ATF6B: variants seen among roughly 807,000 people sequenced by gnomAD.
The protein encoded by ATF6B is cyclic AMP-dependent transcription factor ATF-6 beta.
A neutral mutation model predicts 83.5 loss-of-function variants in ATF6B; 50 were observed. The observed-to-expected ratio is 0.60, with a 90% CI of 0.48 to 0.76. The LOEUF (loss-of-function observed/expected upper bound fraction) is 0.76. Ranked by LOEUF, ATF6B falls within the 30% of genes least tolerant of loss-of-function variation. The pLI is 0.00. For missense variants in ATF6B, 790 were observed against 893.8 expected (o/e 0.88, Z 1.48); for synonymous variants, 344 against 362.8 (o/e 0.95, Z 0.59).
rs748639718 is a variant in ATF6B at position 32,127,118 on chromosome 6, T to C, written c.327A>G (p.Thr109=). 11 of 1,606,580 alleles carry C rather than the reference T, an allele frequency of 6.8e-6. No individual in the cohort carries two copies. Among genetic ancestry groups the C allele is most frequent in the Non-Finnish European group, 9.3e-6 (11 of 1,176,986 alleles). The part of the protein sequence containing the change: ...SLSSESSRLS[T]EPSSEALGVG... ...GCTCTCTCACCTCGCTGGATGGCTC[T>C]GTGGAGAGACGCGATGACTCGGAGC... The change falls in exon 4 of 18, where the codon ACA becomes ACG. Residue 109 remains threonine (T), a synonymous_variant. Coordinates refer to ENST00000375203, the MANE Select transcript of ATF6B (RefSeq NM_004381.5).
chr6:32,120,265 T>C (rs1351641093), intron 8 of ATF6B: 2 of 201,538 alleles, frequency 9.9e-6, no homozygotes, highest in African/African-American at 2.4e-5. Context: ...GCCTGGCTAA[T>C]TTTTTTGTAT....
At position 32,118,825 on chromosome 6, in the gene ATF6B, G is replaced by C. The variant is rs773694940; in HGVS notation, c.1194C>G (p.Val398=). The change falls in exon 11 of 18, where the codon GTC becomes GTG. Residue 398 remains valine, a synonymous_variant. Transcript: ENST00000375203. The surrounding 1 kb of genome is among the most constrained non-coding windows in gnomAD (Gnocchi z 5.2). ...TGAAGAGAAGGAAGACCATGATGCA[G>C]ACCACCTTCCTGTTTCCAGACCCTA... The part of the protein sequence containing the change: ...LKLGSGNRKV[V]CIMVFLLFIA... 6.2e-7 allele frequency: 1 copy of C among 1,614,262 alleles called. No individual in the cohort carries two copies. Among genetic ancestry groups the C allele is most frequent in the South Asian group, 1.1e-5 (1 of 91,084 alleles).
At position 32,118,043 on chromosome 6, in the gene ATF6B, G is replaced by A. The variant is rs1208346294; in HGVS notation, c.1245-5C>T. The A allele has an allele frequency of 6.2e-7, 1 of 1,614,126 alleles. No individual in the cohort carries two copies. The highest frequency in any genetic ancestry group is 8.5e-7 in the Non-Finnish European group (1 of 1,180,032). On this transcript the variant is annotated splice_region_variant and splice_polypyrimidine_tract_variant and intron_variant, in intron 11 of 17. Transcript: ENST00000375203. The surrounding 1 kb of genome is among the most constrained non-coding windows in gnomAD (Gnocchi z 5.2). The stretch of plus-strand genomic sequence containing the variant: ...GCTGAAGGAGGCTCACTGATGCTGT[G>A]GATAAAGAAGGACTGAGCACAATGA...
chr6:32,121,430 T>C, intron 5 of ATF6B, 82 bp from the exon 6 acceptor site: 2 of 1,382,920 alleles, frequency 1.4e-6, no homozygotes, highest in Non-Finnish European at 2.0e-6. Flanking sequence ...AGGCTGGGCA[T>C]GGTGGCTCAC....
chr6:32,119,392 G>C lies in ATF6B; in HGVS notation c.967-251C>G, dbSNP rs1781663024. On this transcript the variant is annotated intron_variant, in intron 9 of 17. Coordinates refer to ENST00000375203, the MANE Select transcript of ATF6B (RefSeq NM_004381.5). The surrounding 1 kb of genome is among the most constrained non-coding windows in gnomAD (Gnocchi z 4.9). ...AGAGTGTGGGAAGAACTTTCTCCAT[G>C]CTGGTGGAAACTCTTTCCTTCGTAA... Among the ~76,000 whole-genome samples the C allele has an allele frequency of 6.6e-6, 1 of 152,176 alleles. No individual in the cohort carries two copies.
Position 32,126,131 on chromosome 6 carries a change from G to T in ATF6B, c.464C>A (p.Ser155Tyr). The change falls in exon 5 of 18, where the codon TCT becomes TAT. Residue 155 changes from serine (S) to tyrosine (Y), a missense_variant. Ser to Tyr is a moderately radical substitution (Grantham distance 144). Around this residue, in one of 3 missense-constraint regions of ATF6B, gnomAD observed 253 missense variants for 243.1 expected, o/e 1.04. Coordinates refer to ENST00000375203, the MANE Select transcript of ATF6B (RefSeq NM_004381.5). ...ETVQINVIPTSDDSSDVQTKI... is the reference protein window; with the variant it reads ...ETVQINVIPTYDDSSDVQTKI... ...TGTTTTATTACCTGAGGAATCATCAGAGGTGGGGATAACGTTGATCTGGAC... is the reference window on the plus strand; with the variant it reads ...TGTTTTATTACCTGAGGAATCATCATAGGTGGGGATAACGTTGATCTGGAC... 6.2e-7 allele frequency: 1 copy of T among 1,614,202 alleles called. No homozygotes were observed. The highest frequency in any genetic ancestry group is 8.5e-7 in the Non-Finnish European group (1 of 1,180,050).
chr6:32,128,223 C>G lies in ATF6B; in HGVS notation c.-16G>C. ...GCTCCGCCATCTTTCCCCCCCACCCCCCAACCAGGAGACGGTTCCCAAGGC... is the reference window on the plus strand; with the variant it reads ...GCTCCGCCATCTTTCCCCCCCACCCGCCAACCAGGAGACGGTTCCCAAGGC... On this transcript the variant is annotated 5_prime_UTR_variant, in exon 1 of 18. Coordinates refer to ENST00000375203, the MANE Select transcript of ATF6B (RefSeq NM_004381.5). 1.2e-6 allele frequency: 2 copies of G among 1,605,566 alleles called. No homozygotes were observed. Among genetic ancestry groups the G allele is most frequent in the Non-Finnish European group, 1.7e-6 (2 of 1,178,716 alleles).
At chr6:32,121,484 C>T (rs939227955) in intron 5 of ATF6B, 136 bp from the exon 6 acceptor site, 2 of 779,382 alleles carry the variant, frequency 2.6e-6, no homozygotes, top group African/African-American at 1.7e-5. Flanking sequence ...GGGCAGATCA[C>T]CTGAGGTCAG....
In ATF6B at chr6:32,116,768, T is replaced by C; in HGVS notation, c.1733A>G (p.Gln578Arg). The change falls in exon 16 of 18, where the codon CAG (glutamine) becomes CGG (arginine). Residue 578 changes from glutamine to arginine, a missense_variant. Gln to Arg is a conservative substitution (Grantham distance 43). Around this residue, in one of 3 missense-constraint regions of ATF6B, gnomAD observed 530 missense variants for 632.6 expected, o/e 0.84. Coordinates refer to ENST00000375203, the MANE Select transcript of ATF6B (RefSeq NM_004381.5). The surrounding 1 kb of genome is among the most constrained non-coding windows in gnomAD (Gnocchi z 5.1). ...LQLYRHPDRS[Q>R]PAFLDAIDRR... ...GTCAATTGCATCCAAGAATGCTGGC[T>C]GCGAACGGTCTGGGTGGCGATATAG... 1 of 1,614,110 alleles carries C rather than the reference T, an allele frequency of 6.2e-7. No homozygotes were observed. The highest frequency in any genetic ancestry group is 1.3e-5 in the African/African-American group (1 of 75,014).
In ATF6B at chr6:32,128,210, T is replaced by TTCCCCCCC; in HGVS notation, c.-11_-4dup. The TTCCCCCCC allele has an allele frequency of 6.2e-7, 1 of 1,609,120 alleles. No homozygotes were observed. ...CTGAGCAGCATCAGCTCCGCCATCT[T>TTCCCCCCC]TCCCCCCCACCCCCCAACCAGGAGA... On this transcript the variant is annotated 5_prime_UTR_variant, in exon 1 of 18. Transcript: ENST00000375203.
At position 32,116,032 on chromosome 6, in the gene ATF6B, GGGA is replaced by G; in HGVS notation, c.1883-67_1883-65del. 2.3e-6 allele frequency: 3 copies of G among 1,326,128 alleles called. No individual in the cohort carries two copies. Among genetic ancestry groups the G allele is most frequent in the Non-Finnish European group, 3.2e-6 (3 of 943,324 alleles). The allele number at this position is 1,326,128 out of a possible 1,614,324, so 82.1% of individuals were successfully genotyped here. A position where few individuals can be genotyped will look rare whatever the true frequency, so the allele number is the denominator to read the frequency against. ...GGCAAACAGGGATTGCAGGGAGGAG[GGGA>G]GGAGGTCAGAAAAGTAGAGGTGAGC... On this transcript the variant is annotated intron_variant, in intron 17 of 17. Transcript: ENST00000375203. This position sits in a 1 kb window ranked among gnomAD's most constrained non-coding sequence, Gnocchi z 5.1.
intron 5 of ATF6B, among the ~76,000 whole-genome samples, chr6:32,122,439 C>T (rs1237555730): frequency 6.6e-6 from 1 of 152,186 alleles, no homozygotes; most frequent in African/African-American, 2.4e-5. Flanking sequence ...ATACCGTTCA[C>T]TTTGGTACTT....
chr6:32,120,805 T>C lies in ATF6B; in HGVS notation c.798A>G (p.Thr266=), dbSNP rs770926614. 2 of 1,610,658 alleles carry C rather than the reference T, an allele frequency of 1.2e-6. No homozygotes were observed. The highest frequency in any genetic ancestry group is 1.7e-6 in the Non-Finnish European group (2 of 1,178,208). Residue 266 remains threonine, a synonymous_variant, in exon 8 of 18, where the codon ACA becomes ACG. Coordinates refer to ENST00000375203, the MANE Select transcript of ATF6B (RefSeq NM_004381.5). The part of the protein sequence containing the change: ...MPSRAVPPST[T]VLLQSLVQPP... ...GCTGGACGAGGGACTGCAGAAGGAC[T>C]GTGGTGCTGGGAGGCACAGCTCTGG...
At chr6:32,121,577 C>A (rs1161219433) in intron 5 of ATF6B, among the ~76,000 whole-genome samples, 1 of 152,134 alleles carries the variant, frequency 6.6e-6, no homozygotes, top group African/African-American at 2.4e-5. Context: ...TGGCGCATCC[C>A]TGTGTCCCAG....
In ATF6B at chr6:32,118,677, T is replaced by A. The variant is rs1469507507; in HGVS notation, c.1244+98A>T. On this transcript the variant is annotated intron_variant, in intron 11 of 17. Transcript: ENST00000375203. This position sits in a 1 kb window ranked among gnomAD's most constrained non-coding sequence, Gnocchi z 5.2. Reference sequence around the variant, plus strand: ...GCCAAGGACACCAGAACCATTTGTATATAAGCAGAAGGAAATGGCCTGGGC... The same window carrying A: ...GCCAAGGACACCAGAACCATTTGTAAATAAGCAGAAGGAAATGGCCTGGGC... 8.2e-7 allele frequency: 1 copy of A among 1,216,176 alleles called. No homozygotes were observed. The highest frequency in any genetic ancestry group is 1.2e-6 in the Non-Finnish European group (1 of 834,754). 75.3% of individuals were successfully genotyped at this position (1,216,176 alleles called of 1,614,324 possible).
chr6:32,119,889 G>GT lies in ATF6B; in HGVS notation c.900dup (p.Arg301ThrfsTer3). The GT allele has an allele frequency of 6.2e-7, 1 of 1,614,112 alleles. No homozygotes were observed. ...GGAACGATGCTCTTCCTCTCAGGCC[G>GT]TGGTAGAGAGGGAGCCGGCCCTTCA... On this transcript the variant is annotated frameshift_variant, in exon 9 of 18. Coordinates refer to ENST00000375203, the MANE Select transcript of ATF6B (RefSeq NM_004381.5). LOFTEE classifies it high-confidence loss of function. The surrounding 1 kb of genome is among the most constrained non-coding windows in gnomAD (Gnocchi z 4.9).
At chr6:32,120,677 C>T in intron 8 of ATF6B, 94 bp downstream of exon 8, 1 of 1,454,842 alleles carries the variant, frequency 6.9e-7, no homozygotes, top group Non-Finnish European at 9.3e-7. Context: ...TCTTAAACTT[C>T]TGACCTCAGG....
At chr6:32,122,230 G>C (rs1479632793) in intron 5 of ATF6B, among the ~76,000 whole-genome samples, 1 of 152,038 alleles carries the variant, frequency 6.6e-6, no homozygotes, top group Non-Finnish European at 1.5e-5. Flanking sequence ...TGATTGCCCC[G>C]TCACACAAGT....
rs204889 is a variant in ATF6B at position 32,118,315 on chromosome 6, G to A, written c.1245-277C>T. Among the ~76,000 whole-genome samples, 4,591 of 152,262 alleles carry A rather than the reference G, an allele frequency of 0.03. 83 individuals are homozygous for A. Among genetic ancestry groups the A allele is most frequent in the Admixed American group, 0.041 (630 of 15,294 alleles). On this transcript the variant is annotated intron_variant, in intron 11 of 17. Transcript: ENST00000375203. This position sits in a 1 kb window ranked among gnomAD's most constrained non-coding sequence, Gnocchi z 5.2. ...TGGAAAAATAATGGAGCAGGAGGCC[G>A]GGCGAGGTGGCTCAAGCCTGTAATC... is the stretch of plus-strand genomic sequence containing the variant.
Sources: allele counts gnomAD v4.1 joint callset (sites outside exome capture counted in the v4.1 genomes callset), GRCh38; gene constraint gnomAD v4.1.1; regional missense constraint gnomAD v4.1.1; non-coding constraint Gnocchi (gnomAD v3.1); transcripts MANE v1.5; gene names NCBI Gene and HGNC (gene_info 2026-07-23, HGNC 2026-07-21).